The following GRM8 variants were observed in gnomAD, a reference collection of about 807,000 sequenced individuals.
GRM8 encodes glutamate metabotropic receptor 8, also known as metabotropic glutamate receptor 8.
In GRM8, 47 loss-of-function variants were observed where a neutral mutation model predicts 87.2. The ratio of observed to expected loss-of-function variants is 0.54; its 90% confidence interval spans 0.43 to 0.69. GRM8 has a LOEUF of 0.69. GRM8 is among the 30% of genes least tolerant of loss of function. The pLI is 0.00. For missense variants in GRM8, 1,019 were observed against 1,139.2 expected (o/e 0.89, Z 1.52); for synonymous variants, 396 against 404.5 (o/e 0.98, Z 0.25).
intron 9 of GRM8, among the ~76,000 whole-genome samples, chr7:126,499,854 C>G (rs952491974): frequency 4.0e-5 from 6 of 151,762 alleles, no homozygotes; most frequent in African/African-American, 1.5e-4. Flanking sequence ...GACATAAGTT[C>G]TAGTGATTTA....
intron 8 of GRM8, among the ~76,000 whole-genome samples, chr7:126,541,070 A>T (rs754283174): frequency 5.3e-5 from 8 of 152,338 alleles, no homozygotes; most frequent in South Asian, 4.1e-4. Flanking sequence ...GAATTCAACA[A>T]GACCAAGACA....
intron 2 of GRM8, among the ~76,000 whole-genome samples, chr7:127,237,619 T>C (rs1175480258): frequency 6.6e-6 from 1 of 152,194 alleles, no homozygotes; most frequent in African/African-American, 2.4e-5. Context: ...CACTTCCACA[T>C]AGGGTGAAAT....
At chr7:126,829,805 C>A (rs1586111863) in intron 6 of GRM8, among the ~76,000 whole-genome samples, 1 of 151,858 alleles carries the variant, frequency 6.6e-6, no homozygotes, top group African/African-American at 2.4e-5. Flanking sequence ...TCTCGATGGT[C>A]TTTATATTTT....
At chr7:126,703,446 A>C (rs1810156679) in intron 7 of GRM8, among the ~76,000 whole-genome samples, 1 of 152,220 alleles carries the variant, frequency 6.6e-6, no homozygotes, top group Non-Finnish European at 1.5e-5. Flanking sequence ...ATAAATAAGA[A>C]TCTGCAAAGG....
Position 127,243,092 on chromosome 7 carries a change from T to C in GRM8, c.113A>G (p.His38Arg), listed in dbSNP as rs2116882806. The change falls in exon 2 of 11, where the codon CAT becomes CGT. Residue 38 changes from histidine (H) to arginine (R), a missense_variant. By Grantham distance (29) the His-to-Arg change is conservative. Coordinates refer to ENST00000339582, the MANE Select transcript of GRM8 (RefSeq NM_000845.3). The stretch of plus-strand genomic sequence containing the variant: ...AATGTCCCCATCCACCCGTATGGAA[T>C]GGGCATACTCCTGGCTGTGAGTTCT... ...MQRTHSQEYA[H>R]SIRVDGDIIL... 1 of 1,614,044 alleles carries C rather than the reference T, an allele frequency of 6.2e-7. No homozygotes were observed. The highest frequency in any genetic ancestry group is 1.1e-5 in the South Asian group (1 of 91,076).
intron 9 of GRM8, among the ~76,000 whole-genome samples, chr7:126,509,141 G>A (rs1810943165): frequency 1.3e-5 from 2 of 151,946 alleles, no homozygotes; most frequent in South Asian, 4.1e-4. Flanking sequence ...TGAAGACAGG[G>A]GCAGAAAAGT....
At chr7:126,621,081 C>T (rs1345627777) in intron 7 of GRM8, among the ~76,000 whole-genome samples, 1 of 152,094 alleles carries the variant, frequency 6.6e-6, no homozygotes, top group Non-Finnish European at 1.5e-5. Context: ...TTGTCATTGA[C>T]CAAAATGCCA....
intron 8 of GRM8, among the ~76,000 whole-genome samples, chr7:126,594,116 T>C (rs1289255067): frequency 6.6e-6 from 1 of 151,836 alleles, no homozygotes; most frequent in Non-Finnish European, 1.5e-5. Context: ...ATGGAGAAAA[T>C]GGAATTTTGC....
chr7:127,235,443 T>C (rs1390737160), intron 2 of GRM8, among the ~76,000 whole-genome samples: 5 of 152,224 alleles, frequency 3.3e-5, no homozygotes, highest in Non-Finnish European at 7.3e-5. Flanking sequence ...ATCTGGCCCC[T>C]TTGTTGGTCC....
chr7:126,710,045 C>T (rs979225857), intron 7 of GRM8, among the ~76,000 whole-genome samples: 1 of 152,134 alleles, frequency 6.6e-6, no homozygotes, highest in Non-Finnish European at 1.5e-5. Flanking sequence ...TTCTGGTTTC[C>T]CACATAAAAG....
intron 1 of GRM8, chr7:127,250,772 C>T (rs1446094477): frequency 2.0e-5 from 3 of 152,194 alleles, no homozygotes; most frequent in Non-Finnish European, 1.5e-5. Context: ...TAGCCATTTG[C>T]AATTATTGAC....
At chr7:126,881,115 C>T (rs568372674) in intron 6 of GRM8, among the ~76,000 whole-genome samples, 1 of 151,984 alleles carries the variant, frequency 6.6e-6, no homozygotes, top group African/African-American at 2.4e-5. Flanking sequence ...CTGTATTAGT[C>T]AGGGTCCCAG....
intron 3 of GRM8, among the ~76,000 whole-genome samples, chr7:127,062,882 G>A (rs957925810): frequency 6.6e-6 from 1 of 152,076 alleles, no homozygotes; most frequent in Non-Finnish European, 1.5e-5. Context: ...TTCCAATTAT[G>A]CTTATTTGGA....
intron 7 of GRM8, among the ~76,000 whole-genome samples, chr7:126,621,668 C>T (rs1479223549): frequency 6.6e-6 from 1 of 152,094 alleles, no homozygotes; most frequent in East Asian, 1.9e-4. Flanking sequence ...ATCCACCCAC[C>T]TCTGCCTCCC....
At chr7:126,891,898 C>A (rs1381529655) in intron 6 of GRM8, among the ~76,000 whole-genome samples, 3 of 151,536 alleles carry the variant, frequency 2.0e-5, no homozygotes, top group East Asian at 1.9e-4. Flanking sequence ...GAATTTAATT[C>A]TTTCATTTAA....
intron 2 of GRM8, among the ~76,000 whole-genome samples, chr7:127,240,035 C>A (rs1223679939): frequency 5.3e-5 from 8 of 152,172 alleles, no homozygotes; most frequent in Non-Finnish European, 1.2e-4. Context: ...CCCACCCACT[C>A]CCTGCACTTC....
chr7:126,542,350 C>A (rs1816641249), intron 8 of GRM8, among the ~76,000 whole-genome samples: 1 of 152,180 alleles, frequency 6.6e-6, no homozygotes, highest in South Asian at 2.1e-4. Context: ...ACAGTTTCTT[C>A]TTTCATAGAA....
At chr7:126,648,796 G>A (rs77429197) in intron 7 of GRM8, among the ~76,000 whole-genome samples, 5 of 141,416 alleles carry the variant, frequency 3.5e-5, no homozygotes, top group African/African-American at 1.0e-4. Context: ...AATGCTGAAC[G>A]ACACTGATAT....
At chr7:126,901,411 T>C (rs1186482288) in intron 6 of GRM8, among the ~76,000 whole-genome samples, 1 of 152,200 alleles carries the variant, frequency 6.6e-6, no homozygotes, top group African/African-American at 2.4e-5. Context: ...ATGTTTATTA[T>C]GGAGTGTCCA....
Sources: allele counts gnomAD v4.1 joint callset (sites outside exome capture counted in the v4.1 genomes callset), GRCh38; gene constraint gnomAD v4.1.1; transcripts MANE v1.5; gene names NCBI Gene and HGNC (gene_info 2026-07-23, HGNC 2026-07-21).